Variants in SERPINB6 observed in about 807,000 individuals in gnomAD.
SERPINB6 encodes the protein serpin family B member 6, also known as serpin B6.
In SERPINB6, 16 loss-of-function variants were observed where a neutral mutation model predicts 26.1. That is an observed-to-expected ratio of 0.61 (90% confidence interval 0.42 to 0.93). The LOEUF (loss-of-function observed/expected upper bound fraction) is 0.93, where lower values mean the gene tolerates loss of function less well. SERPINB6 is among the 40% of genes least tolerant of loss of function. SERPINB6 has a pLI of 0.00. For missense variants in SERPINB6, 420 were observed against 478.0 expected, an observed-to-expected ratio of 0.88 and a Z score of 1.13; for synonymous variants, 174 against 176.6, an observed-to-expected ratio of 0.99 and a Z score of 0.11.
At chr6:2,962,763 G>T (rs2113295985) in intron 1 of SERPINB6, among the ~76,000 whole-genome samples, 1 of 152,312 alleles carries the variant, frequency 6.6e-6, no homozygotes, top group South Asian at 2.1e-4. Context: ...TTTCTTAGCA[G>T]AAACTATGTT....
At chr6:2,949,869 A>G (rs1170938465) in intron 5 of SERPINB6, among the ~76,000 whole-genome samples, 1 of 152,186 alleles carries the variant, frequency 6.6e-6, no homozygotes, top group African/African-American at 2.4e-5. Flanking sequence ...CTTATCTGCT[A>G]CAGTCACAGA....
rs1253121612 is a variant in SERPINB6 at position 2,967,257 on chromosome 6, C to T, written c.-11+4276G>A. On this transcript the variant is annotated intron_variant, in intron 1 of 6. Transcript: ENST00000380539. This position sits in a 1 kb window ranked among gnomAD's most constrained non-coding sequence, Gnocchi z 4.3. ...CTGCTCTGGAAGACTGAAACTGGAC[C>T]CCTTCCTTACATACACCATGTACAA... The T allele has an allele frequency of 7.1e-6, 7 of 982,852 alleles. No individual in the cohort carries two copies. In the African/African-American group the frequency reaches 1.2e-4, roughly 17 times the overall value. 60.9% of individuals were successfully genotyped at this position (982,852 alleles called of 1,614,324 possible).
At chr6:2,951,403 A>AT (rs1769792281) in intron 5 of SERPINB6, among the ~76,000 whole-genome samples, 3 of 143,330 alleles carry the variant, frequency 2.1e-5, no homozygotes, top group African/African-American at 5.5e-5. Flanking sequence ...AATAAAAAAT[A>AT]AAAAAAAAAA....
rs994520292 is a variant in SERPINB6, at chr6:2,948,595, T to A, written c.834A>T (p.Glu278Asp). 1 of 1,614,180 alleles carries A rather than the reference T, an allele frequency of 6.2e-7. No individual in the cohort carries two copies. The highest frequency in any genetic ancestry group is 1.7e-5 in the Admixed American group (1 of 60,022). The change falls in exon 7 of 7, where the codon GAA becomes GAT. Residue 278 changes from glutamate (E) to aspartate (D), a missense_variant. Glu to Asp is a conservative substitution (Grantham distance 45). Coordinates refer to ENST00000380539, the MANE Select transcript of SERPINB6 (RefSeq NM_004568.6). This position sits in a 1 kb window ranked among gnomAD's most constrained non-coding sequence, Gnocchi z 5.0. ...GCAGGACACTCTCCATGTCGTAGCT[T>A]TCCTCTAGTTTAAACCGCGGGAGGG... ...EVSLPRFKLE[E>D]SYDMESVLRN...
Position 2,953,165 on chromosome 6 carries a change from G to A in SERPINB6, c.452C>T (p.Ser151Phe). Residue 151 changes from serine to phenylalanine, a missense_variant, in exon 5 of 7, where the codon TCT becomes TTT. Transcript: ENST00000380539. ...KTEGKIAELLSPGSVDPLTRL... is the reference protein window; with the variant it reads ...KTEGKIAELLFPGSVDPLTRL... ...TGTCAATGGATCCACTGAGCCCGGA[G>A]AGAGCAACTCCGCAATTTTACCTGA... 1 of 1,614,226 alleles carries A rather than the reference G, an allele frequency of 6.2e-7. No individual in the cohort carries two copies. Among genetic ancestry groups the A allele is most frequent in the Non-Finnish European group, 8.5e-7 (1 of 1,180,040 alleles).
intron 1 of SERPINB6, 188 bp downstream of exon 1, chr6:2,971,345 A>C: frequency 4.0e-6 from 1 of 247,044 alleles, no homozygotes; most frequent in Non-Finnish European, 6.5e-6. Context: ...TGCTGGGGTC[A>C]CAGCCCCGCG....
At chr6:2,953,273 G>T (rs1770033345) in intron 4 of SERPINB6, 87 bp from the exon 5 acceptor site, 1 of 1,549,980 alleles carries the variant, frequency 6.5e-7, no homozygotes, top group Non-Finnish European at 8.9e-7. Flanking sequence ...TTCTCCTTCA[G>T]CAGTCAAGTG....
rs1769390227 is a variant in SERPINB6 at position 2,948,623 on chromosome 6, A to C, written c.806T>G (p.Val269Gly). 6.2e-7 allele frequency: 1 copy of C among 1,614,110 alleles called. No homozygotes were observed. Among genetic ancestry groups the C allele is most frequent in the Non-Finnish European group, 8.5e-7 (1 of 1,179,970 alleles). ...LDMMDEEEVE[V>G]SLPRFKLEES... ...CTCTAGTTTAAACCGCGGGAGGGACACTTCCACCTCCTCTTCATCCATCAT... is the reference window on the plus strand; with the variant it reads ...CTCTAGTTTAAACCGCGGGAGGGACCCTTCCACCTCCTCTTCATCCATCAT... The change falls in exon 7 of 7, where the codon GTG (valine) becomes GGG (glycine). Residue 269 changes from valine (V) to glycine (G), a missense_variant. Coordinates refer to ENST00000380539, the MANE Select transcript of SERPINB6 (RefSeq NM_004568.6). This position sits in a 1 kb window ranked among gnomAD's most constrained non-coding sequence, Gnocchi z 5.0.
At chr6:2,966,050 C>A (rs903811254) in intron 1 of SERPINB6, among the ~76,000 whole-genome samples, 1 of 152,188 alleles carries the variant, frequency 6.6e-6, no homozygotes, top group Non-Finnish European at 1.5e-5. Context: ...AAATGAAATA[C>A]GGAGTTTTCC....
intron 1 of SERPINB6, among the ~76,000 whole-genome samples, chr6:2,964,667 T>C (rs1561688749): frequency 6.6e-6 from 1 of 152,176 alleles, no homozygotes; most frequent in Non-Finnish European, 1.5e-5. Context: ...CAGGTGGTGT[T>C]AAAAGAGATG....
At chr6:2,955,420 G>T in intron 3 of SERPINB6, 104 bp downstream of exon 3, 1 of 1,315,230 alleles carries the variant, frequency 7.6e-7, no homozygotes, top group Non-Finnish European at 1.1e-6. Context: ...AAAAGCCTAT[G>T]TATGGCATAA....
Position 2,948,566 on chromosome 6 carries a change from T to A in SERPINB6, c.863A>T (p.Asn288Ile), listed in dbSNP as rs1769380200. The stretch of plus-strand genomic sequence containing the variant: ...CTCGAAGGCATCAGTCATGCCCAGG[T>A]TGCGCAGGACACTCTCCATGTCGTA... ...ESYDMESVLR[N>I]LGMTDAFELG... The change falls in exon 7 of 7, where the codon AAC (asparagine) becomes ATC (isoleucine). Residue 288 changes from asparagine to isoleucine, a missense_variant. By Grantham distance (149) the Asn-to-Ile change is moderately radical. Coordinates refer to ENST00000380539, the MANE Select transcript of SERPINB6 (RefSeq NM_004568.6). This position sits in a 1 kb window ranked among gnomAD's most constrained non-coding sequence, Gnocchi z 5.0. The A allele has an allele frequency of 6.2e-7, 1 of 1,614,178 alleles. No individual in the cohort carries two copies.
At chr6:2,949,158 G>C (rs1581227833) in intron 5 of SERPINB6, 89 bp from the exon 6 acceptor site, 1 of 1,419,270 alleles carries the variant, frequency 7.0e-7, no homozygotes, top group Non-Finnish European at 9.7e-7. Flanking sequence ...TCTCTGCAGG[G>C]AGAAACGCAG....
At chr6:2,953,475 A>C (rs1770059236) in intron 4 of SERPINB6, among the ~76,000 whole-genome samples, 1 of 152,216 alleles carries the variant, frequency 6.6e-6, no homozygotes, top group Non-Finnish European at 1.5e-5. Flanking sequence ...CTATGACTTA[A>C]AGACAAGAAC....
At position 2,955,418 on chromosome 6, in the gene SERPINB6, A is replaced by G. The variant is rs868678440; in HGVS notation, c.312+106T>C. On this transcript the variant is annotated intron_variant, in intron 3 of 6. Transcript: ENST00000380539. ...AGGTGAAAAGAAATTACAAAAGCCT[A>G]TGTATGGCATAATGGCATTTAGAGC... 1.7e-5 allele frequency: 22 copies of G among 1,290,782 alleles called. 1 individual carries two copies. In the Middle Eastern group the frequency reaches 1.1e-3, roughly 66 times the overall value. The allele number at this position is 1,290,782 out of a possible 1,614,324, so 80.0% of individuals were successfully genotyped here. A position where few individuals can be genotyped will look rare whatever the true frequency, so the allele number is the denominator to read the frequency against.
chr6:2,952,100 G>T (rs893700924), intron 5 of SERPINB6, among the ~76,000 whole-genome samples: 4 of 152,168 alleles, frequency 2.6e-5, no homozygotes, highest in African/African-American at 9.7e-5. Flanking sequence ...GTGAACCGGG[G>T]TTTCTGTTAT....
chr6:2,962,889 C>A (rs1771271984), intron 1 of SERPINB6, among the ~76,000 whole-genome samples: 1 of 152,180 alleles, frequency 6.6e-6, no homozygotes, highest in Admixed American at 6.5e-5. Context: ...CAGCCACCAG[C>A]ACAGCTGATG....
chr6:2,965,363 C>T (rs924430169), intron 1 of SERPINB6, among the ~76,000 whole-genome samples: 4 of 152,194 alleles, frequency 2.6e-5, no homozygotes, highest in African/African-American at 4.8e-5. Context: ...TGTTCATAGA[C>T]GGGGACAAGT....
chr6:2,971,078 G>T, intron 1 of SERPINB6: 1 of 1,141,970 alleles, frequency 8.8e-7, no homozygotes. Flanking sequence ...CGCGGAGCGG[G>T]CGAGGGGTCA....
Sources: gnomAD v4.1 joint callset for allele counts (sites outside exome capture counted in the v4.1 genomes callset) on GRCh38, gnomAD v4.1.1 for gene constraint, Gnocchi (gnomAD v3.1) non-coding constraint, MANE v1.5 for transcripts, NCBI Gene and HGNC (gene_info 2026-07-23, HGNC 2026-07-21) for gene names.